Variants in CSMD1 observed in about 807,000 individuals in gnomAD.
CSMD1 encodes the protein CUB and Sushi multiple domains 1.
A neutral mutation model predicts 417.5 loss-of-function variants in CSMD1; 213 were observed. The observed-to-expected ratio is 0.51, with a 90% CI of 0.46 to 0.57. The LOEUF (loss-of-function observed/expected upper bound fraction) is 0.57, where lower values mean the gene tolerates loss of function less well. Among genes scored for constraint, CSMD1 ranks in the 20% least tolerant of loss-of-function variants. The probability of loss-of-function intolerance (pLI) is 0.00; values close to 1 mark genes in which losing one functional copy is unlikely to be tolerated. For synonymous variants in CSMD1, 2,862 were observed against 1,736.8 expected, an observed-to-expected ratio of 1.65 and a Z score of -16.11; for missense variants, 6,923 against 4,529.7, an observed-to-expected ratio of 1.53 and a Z score of -15.17.
intron 26 of CSMD1, among the ~76,000 whole-genome samples, chr8:3,271,347 G>C (rs1400691435): frequency 1.3e-5 from 2 of 151,832 alleles, no homozygotes; most frequent in South Asian, 2.1e-4. Context: ...ATTTGGGTTG[G>C]TTCCAAGTCT....
At chr8:4,294,902 G>T (rs913978246) in intron 3 of CSMD1, among the ~76,000 whole-genome samples, 1 of 151,640 alleles carries the variant, frequency 6.6e-6, no homozygotes, top group South Asian at 2.1e-4. Flanking sequence ...TGTATGGAAC[G>T]AAAGCCTCAG....
At chr8:3,745,625 G>T (rs1024952191) in intron 6 of CSMD1, among the ~76,000 whole-genome samples, 2 of 152,170 alleles carry the variant, frequency 1.3e-5, no homozygotes, top group Admixed American at 6.5e-5. Context: ...GCACTCCACT[G>T]AGACTCTGAA....
At chr8:3,142,147 T>G (rs184487477) in intron 41 of CSMD1, among the ~76,000 whole-genome samples, 2 of 152,252 alleles carry the variant, frequency 1.3e-5, no homozygotes, top group East Asian at 3.9e-4. Flanking sequence ...GAGACTGAAT[T>G]GAGTCACAAT....
chr8:4,961,479 C>T (rs1809480064), intron 1 of CSMD1, among the ~76,000 whole-genome samples: 1 of 152,122 alleles, frequency 6.6e-6, no homozygotes, highest in Non-Finnish European at 1.5e-5. Flanking sequence ...ACATATTCTC[C>T]AATGACATTT....
Position 3,769,340 on chromosome 8 carries a change from G to A in CSMD1, c.819-15298C>T, listed in dbSNP as rs6994860. Among the ~76,000 whole-genome samples, 7 of 151,438 alleles carry A rather than the reference G, an allele frequency of 4.6e-5. No individual in the cohort carries two copies. In the South Asian group the frequency reaches 1.3e-3, roughly 27 times the overall value. On this transcript the variant is annotated intron_variant, in intron 5 of 69. Transcript: ENST00000635120. The stretch of plus-strand genomic sequence containing the variant: ...GAGAAAAATTGCAAATATGTTAAAA[G>A]AAAGTTGTACCAAATTAGATAACAA...
At chr8:4,729,958 G>C (rs1054532243) in intron 1 of CSMD1, among the ~76,000 whole-genome samples, 1 of 152,166 alleles carries the variant, frequency 6.6e-6, no homozygotes, top group African/African-American at 2.4e-5. Flanking sequence ...ACACACTGCA[G>C]CCTAAACACG....
intron 26 of CSMD1, among the ~76,000 whole-genome samples, chr8:3,269,148 A>T (rs1204019381): frequency 6.6e-6 from 1 of 152,244 alleles, no homozygotes; most frequent in Non-Finnish European, 1.5e-5. Context: ...CAATCAATTC[A>T]ACACGCATTC....
chr8:3,724,434 T>G (rs984396693), intron 6 of CSMD1, among the ~76,000 whole-genome samples: 4 of 152,208 alleles, frequency 2.6e-5, no homozygotes, highest in Admixed American at 6.5e-5. Context: ...TGATAAACAT[T>G]TAAAATTTTC....
intron 21 of CSMD1, among the ~76,000 whole-genome samples, chr8:3,350,019 G>C (rs568084558): frequency 1.4e-5 from 2 of 143,134 alleles, no homozygotes; most frequent in Non-Finnish European, 3.0e-5. Context: ...ATAATAACTT[G>C]TGTATGTGTG....
At chr8:4,249,382 C>A (rs1237721407) in intron 3 of CSMD1, among the ~76,000 whole-genome samples, 1 of 152,174 alleles carries the variant, frequency 6.6e-6, no homozygotes, top group Non-Finnish European at 1.5e-5. Context: ...GTAGCATATT[C>A]CACAGAAAAC....
At chr8:4,923,966 G>A (rs1316541405) in intron 1 of CSMD1, among the ~76,000 whole-genome samples, 8 of 152,156 alleles carry the variant, frequency 5.3e-5, no homozygotes, top group South Asian at 2.1e-4. Flanking sequence ...CCTTGCATCT[G>A]AATCATCCTT....
intron 8 of CSMD1, among the ~76,000 whole-genome samples, chr8:3,601,324 A>T (rs75216172): frequency 6.6e-6 from 1 of 152,220 alleles, no homozygotes; most frequent in African/African-American, 2.4e-5. Flanking sequence ...GCTTCTGCAG[A>T]CATATAGGAG....
chr8:3,306,742 C>T (rs1465239855), intron 25 of CSMD1, among the ~76,000 whole-genome samples: 2 of 152,094 alleles, frequency 1.3e-5, no homozygotes, highest in African/African-American at 4.8e-5. Flanking sequence ...TAAACAAGAA[C>T]TAAAAATAAA....
chr8:3,035,189 T>G (rs1230590536), intron 50 of CSMD1, among the ~76,000 whole-genome samples: 2 of 152,186 alleles, frequency 1.3e-5, no homozygotes, highest in Non-Finnish European at 2.9e-5. Context: ...TCCCTGTACC[T>G]GCCAGCACTC....
At chr8:4,453,098 G>A (rs936742858) in intron 2 of CSMD1, among the ~76,000 whole-genome samples, 1 of 151,968 alleles carries the variant, frequency 6.6e-6, no homozygotes. Context: ...CTATAGACAG[G>A]GAGCCAATGA....
chr8:4,841,509 T>C lies in CSMD1; in HGVS notation c.85+152823A>G, dbSNP rs562948498. 1.6e-4 allele frequency among the ~76,000 whole-genome samples: 24 copies of C among 152,282 alleles called. No individual in the cohort carries two copies. In the South Asian group the frequency reaches 2.1e-3, roughly 13 times the overall value. On this transcript the variant is annotated intron_variant, in intron 1 of 69. Transcript: ENST00000635120. Reference sequence around the variant, plus strand: ...CACTGGACAAGTCACTAAGTTTTCTTAAGTAAAATAAAAAGTAATGTGTCA... The same window carrying C: ...CACTGGACAAGTCACTAAGTTTTCTCAAGTAAAATAAAAAGTAATGTGTCA...
rs574015517 is a variant in CSMD1 at position 4,408,300 on chromosome 8, C to G, written c.415+11653G>C. 3.9e-5 allele frequency among the ~76,000 whole-genome samples: 6 copies of G among 152,124 alleles called. No homozygotes were observed. In the South Asian group the frequency reaches 1.0e-3, roughly 26 times the overall value. On this transcript the variant is annotated intron_variant, in intron 3 of 69. Transcript: ENST00000635120. ...GGTTATATTATGAAAGAACCAGTGT[C>G]AAAAACGTCTTCAAGTAAGCTACTT...
intron 12 of CSMD1, among the ~76,000 whole-genome samples, chr8:3,457,140 G>T (rs753884433): frequency 6.7e-6 from 1 of 150,076 alleles, no homozygotes; most frequent in African/African-American, 2.5e-5. Flanking sequence ...TCCCGTACTC[G>T]TCACTGAACA....
At chr8:3,946,319 G>A (rs936530812) in intron 5 of CSMD1, among the ~76,000 whole-genome samples, 2 of 151,882 alleles carry the variant, frequency 1.3e-5, no homozygotes, top group Non-Finnish European at 2.9e-5. Flanking sequence ...TCTTCTTTAC[G>A]GAATTACCTC....
Sources: allele counts gnomAD v4.1 joint callset (sites outside exome capture counted in the v4.1 genomes callset), GRCh38; gene constraint gnomAD v4.1.1; transcripts MANE v1.5; gene names NCBI Gene and HGNC (gene_info 2026-07-23, HGNC 2026-07-21).